The following DDX10 variants were observed in gnomAD, a reference collection of about 807,000 sequenced individuals.
The protein encoded by DDX10 is probable ATP-dependent RNA helicase DDX10.
A neutral mutation model predicts 104.3 loss-of-function variants in DDX10; 74 were observed. The observed-to-expected ratio is 0.71, with a 90% confidence interval of 0.59 to 0.86. DDX10 has a LOEUF of 0.86. DDX10 is among the 40% of genes least tolerant of loss of function. The pLI is 0.00. For missense variants in DDX10, 952 were observed against 1,040.0 expected (o/e 0.92, Z 1.16); for synonymous variants, 351 against 353.4 (o/e 0.99, Z 0.08).
intron 13 of DDX10, among the ~76,000 whole-genome samples, chr11:108,809,234 C>T (rs539867124): frequency 3.3e-5 from 5 of 152,072 alleles, no homozygotes; most frequent in Non-Finnish European, 7.4e-5. Context: ...GATCAGAAAC[C>T]GTATCGCAGT....
At chr11:108,668,996 T>A (rs2094213660) in intron 1 of DDX10, among the ~76,000 whole-genome samples, 1 of 152,174 alleles carries the variant, frequency 6.6e-6, no homozygotes, top group Non-Finnish European at 1.5e-5. Flanking sequence ...GGGGAGCTGA[T>A]GTGGGCTGGA....
chr11:108,692,173 A>C, intron 8 of DDX10, 135 bp downstream of exon 8: 4 of 756,984 alleles, frequency 5.3e-6, no homozygotes, highest in Non-Finnish European at 8.1e-6. Context: ...AGTAAGTAGT[A>C]AATTGGTAGC....
intron 16 of DDX10, among the ~76,000 whole-genome samples, chr11:108,875,153 G>A (rs1164189160): frequency 6.6e-6 from 1 of 152,126 alleles, no homozygotes; most frequent in African/African-American, 2.4e-5. Flanking sequence ...TTTCTATGAA[G>A]CCTGCGTTAC....
intron 9 of DDX10, among the ~76,000 whole-genome samples, chr11:108,701,414 C>T (rs1438055572): frequency 2.0e-5 from 3 of 152,010 alleles, no homozygotes; most frequent in Non-Finnish European, 2.9e-5. Flanking sequence ...GATAGTAGAG[C>T]GTAACCAACA....
intron 13 of DDX10, among the ~76,000 whole-genome samples, chr11:108,748,303 A>C (rs1341803582): frequency 1.3e-5 from 2 of 152,172 alleles, no homozygotes; most frequent in Non-Finnish European, 2.9e-5. Flanking sequence ...AGAGCGCCAG[A>C]GGAGGCTAGC....
intron 17 of DDX10, among the ~76,000 whole-genome samples, chr11:108,933,260 CG>C (rs2134676947): frequency 1.3e-5 from 2 of 151,946 alleles, no homozygotes; most frequent in South Asian, 4.2e-4. Flanking sequence ...GGCAAGCCTG[CG>C]GGATGGGAAA....
At chr11:108,794,412 T>C (rs183943684) in intron 13 of DDX10, among the ~76,000 whole-genome samples, 1 of 152,312 alleles carries the variant, frequency 6.6e-6, no homozygotes, top group African/African-American at 2.4e-5. Context: ...AAACCTCTAA[T>C]ACAATGTTGA....
chr11:108,821,112 G>A (rs1180075464), intron 13 of DDX10, among the ~76,000 whole-genome samples: 1 of 152,080 alleles, frequency 6.6e-6, no homozygotes, highest in Non-Finnish European at 1.5e-5. Flanking sequence ...TGTTTCAGAG[G>A]GATGAAGTAA....
intron 16 of DDX10, among the ~76,000 whole-genome samples, chr11:108,883,222 A>G (rs1228190875): frequency 2.0e-5 from 3 of 152,178 alleles, no homozygotes; most frequent in Non-Finnish European, 4.4e-5. Context: ...TCAGTAGACC[A>G]TATTACCTAT....
At chr11:108,819,114 A>G (rs1862292300) in intron 13 of DDX10, among the ~76,000 whole-genome samples, 1 of 151,952 alleles carries the variant, frequency 6.6e-6, no homozygotes, top group South Asian at 2.1e-4. Flanking sequence ...TTGTTTTCAA[A>G]TTGCCTTTTT....
intron 13 of DDX10, among the ~76,000 whole-genome samples, chr11:108,757,640 A>T (rs1336718678): frequency 6.6e-6 from 1 of 152,046 alleles, no homozygotes; most frequent in African/African-American, 2.4e-5. Flanking sequence ...AGATGTGACT[A>T]GACCCTTCGA....
At chr11:108,788,450 T>C (rs2726879) in intron 13 of DDX10, among the ~76,000 whole-genome samples, 151,038 of 152,262 alleles carry the variant, frequency 0.99, 74,930 homozygotes, top group Middle Eastern at 1. Context: ...GCAAGCTCCA[T>C]CTCCCAGATT....
At chr11:108,709,221 G>A (rs1360875626) in intron 10 of DDX10, among the ~76,000 whole-genome samples, 1 of 152,052 alleles carries the variant, frequency 6.6e-6, no homozygotes, top group East Asian at 1.9e-4. Flanking sequence ...ATTAGCAGTA[G>A]GTTTTTTGTA....
intron 16 of DDX10, 33 bp downstream of exon 16, chr11:108,852,242 T>C: frequency 6.4e-7 from 1 of 1,554,488 alleles, no homozygotes; most frequent in Non-Finnish European, 8.8e-7. Flanking sequence ...TTTTCCAAGC[T>C]CTATTAAGGT....
intron 13 of DDX10, among the ~76,000 whole-genome samples, chr11:108,756,205 T>C (rs914304201): frequency 7.2e-5 from 11 of 152,034 alleles, no homozygotes; most frequent in African/African-American, 4.8e-5. Context: ...GTTGGTAAAT[T>C]TGTATTTATT....
At chr11:108,839,667 T>C (rs1862609282) in intron 14 of DDX10, among the ~76,000 whole-genome samples, 1 of 152,342 alleles carries the variant, frequency 6.6e-6, no homozygotes, top group South Asian at 2.1e-4. Flanking sequence ...GTTTTGGATG[T>C]TATTTTGGGA....
At chr11:108,809,637 A>ATACATACGGCTTACATACGGC (rs1325353749) in intron 13 of DDX10, among the ~76,000 whole-genome samples, 1 of 152,210 alleles carries the variant, frequency 6.6e-6, no homozygotes, top group Non-Finnish European at 1.5e-5. Context: ...CTACCTGCTC[A>ATACATACGGCTTACATACGGC]TACCAGGCCG....
intron 12 of DDX10, among the ~76,000 whole-genome samples, 184 bp downstream of exon 12, chr11:108,720,069 G>T (rs139665903): frequency 1.4e-4 from 21 of 152,328 alleles, no homozygotes; most frequent in African/African-American, 4.1e-4. Context: ...CACCCGGCCA[G>T]AGAGAATTTG....
chr11:108,893,305 A>G (rs1355825865), intron 16 of DDX10, among the ~76,000 whole-genome samples: 2 of 152,030 alleles, frequency 1.3e-5, no homozygotes, highest in Non-Finnish European at 2.9e-5. Flanking sequence ...TTGTGGAATG[A>G]ATTTTGTATT....
Sources: gnomAD v4.1 joint callset for allele counts (sites outside exome capture counted in the v4.1 genomes callset) on GRCh38, gnomAD v4.1.1 for gene constraint, MANE v1.5 for transcripts, NCBI Gene and HGNC (gene_info 2026-07-23, HGNC 2026-07-21) for gene names.